The following LRRC4C variants were observed in gnomAD, a reference collection of about 807,000 sequenced individuals.
The protein encoded by LRRC4C is leucine-rich repeat-containing protein 4C.
Under a neutral mutation model 33.6 loss-of-function variants are expected in LRRC4C, and 5 were observed. The observed-to-expected ratio is 0.15, with a 90% CI of 0.08 to 0.31. The LOEUF (loss-of-function observed/expected upper bound fraction) is 0.31, where lower values mean the gene tolerates loss of function less well. LRRC4C is among the 10% of genes least tolerant of loss of function. The probability of loss-of-function intolerance (pLI) is 1.00; values close to 1 mark genes in which losing one functional copy is unlikely to be tolerated. For synonymous variants in LRRC4C, 329 were observed against 302.0 expected (o/e 1.09, Z -0.93); for missense variants, 560 against 796.7 (o/e 0.70, Z 3.58).
chr11:41,100,591 C>CAAT (rs1767475056), intron 1 of LRRC4C, among the ~76,000 whole-genome samples: 1 of 151,462 alleles, frequency 6.6e-6, no homozygotes, highest in Admixed American at 6.6e-5. Context: ...ATAATAATAA[C>CAAT]AATAATAATA....
intron 2 of LRRC4C, among the ~76,000 whole-genome samples, chr11:40,673,043 A>G (rs1944211880): frequency 6.6e-6 from 1 of 152,146 alleles, no homozygotes; most frequent in Admixed American, 6.5e-5. Context: ...AGAAAAAAAA[A>G]AACAGTTAAG....
At chr11:41,415,865 A>T (rs1954659627) in intron 1 of LRRC4C, among the ~76,000 whole-genome samples, 1 of 152,086 alleles carries the variant, frequency 6.6e-6, no homozygotes, top group Non-Finnish European at 1.5e-5. Context: ...GAGAATATAG[A>T]CTGCTTTTGA....
At chr11:40,815,996 A>C (rs1007556820) in intron 2 of LRRC4C, among the ~76,000 whole-genome samples, 1 of 152,226 alleles carries the variant, frequency 6.6e-6, no homozygotes, top group Non-Finnish European at 1.5e-5. Flanking sequence ...AGTAACTGAG[A>C]AAGCAAAGAG....
Position 40,198,855 on chromosome 11 carries a change from A to G in LRRC4C, c.-96+42664T>C, listed in dbSNP as rs556861649. On this transcript the variant is annotated intron_variant, in intron 5 of 6. Coordinates refer to ENST00000528697, the MANE Select transcript of LRRC4C (RefSeq NM_001258419.2). ...CATGGACACTCCCAGAAACTGATAC[A>G]AAAATGTAAACCATGTGGAAGATTA... 7.9e-5 allele frequency among the ~76,000 whole-genome samples: 12 copies of G among 152,366 alleles called. No homozygotes were observed. In the South Asian group the frequency reaches 2.5e-3, roughly 32 times the overall value.
intron 3 of LRRC4C, among the ~76,000 whole-genome samples, chr11:40,647,659 A>C (rs1176010962): frequency 6.6e-6 from 1 of 152,174 alleles, no homozygotes; most frequent in East Asian, 1.9e-4. Flanking sequence ...CAGGTTTTCA[A>C]AGAGAGAATC....
chr11:40,480,056 G>A (rs1953465453), intron 3 of LRRC4C, among the ~76,000 whole-genome samples: 1 of 152,140 alleles, frequency 6.6e-6, no homozygotes, highest in South Asian at 2.1e-4. Context: ...TAAGCTGAAA[G>A]CAGGACAAGC....
rs569171762 is a variant in LRRC4C, at chr11:41,414,386, T to C, written c.-496+45045A>G. 4.6e-5 allele frequency among the ~76,000 whole-genome samples: 7 copies of C among 152,270 alleles called. 1 individual carries two copies. The highest frequency in any genetic ancestry group is 2.1e-4 in the South Asian group (1 of 4,832). ...ACACGTGAAAGAGAGCTCTCTTTTATAGGTGGAGAAAAAAGTCTGGTGTCA... is the reference window on the plus strand; with the variant it reads ...ACACGTGAAAGAGAGCTCTCTTTTACAGGTGGAGAAAAAAGTCTGGTGTCA... On this transcript the variant is annotated intron_variant, in intron 1 of 6. Transcript: ENST00000528697.
intron 3 of LRRC4C, among the ~76,000 whole-genome samples, chr11:40,616,151 A>G (rs920784018): frequency 1.3e-5 from 2 of 152,096 alleles, no homozygotes; most frequent in African/African-American, 4.8e-5. Flanking sequence ...CAAAAGACAC[A>G]TGAAAAAATG....
At chr11:40,309,875 G>C (rs1311102838) in intron 4 of LRRC4C, among the ~76,000 whole-genome samples, 5 of 152,152 alleles carry the variant, frequency 3.3e-5, no homozygotes, top group Admixed American at 3.3e-4. Flanking sequence ...CTAGAGAAAG[G>C]AAAGGATGGT....
At chr11:40,426,167 C>T (rs1202618907) in intron 3 of LRRC4C, among the ~76,000 whole-genome samples, 1 of 152,016 alleles carries the variant, frequency 6.6e-6, no homozygotes, top group Admixed American at 6.6e-5. Flanking sequence ...TTGCATGCCA[C>T]TATGCCCGGC....
At chr11:41,017,446 C>G (rs755010621) in intron 1 of LRRC4C, among the ~76,000 whole-genome samples, 1 of 152,132 alleles carries the variant, frequency 6.6e-6, no homozygotes, top group Non-Finnish European at 1.5e-5. Context: ...ACTTTGTTAT[C>G]TTACATACTA....
intron 3 of LRRC4C, among the ~76,000 whole-genome samples, chr11:40,417,762 TG>T (rs984837849): frequency 1.3e-5 from 2 of 152,176 alleles, no homozygotes; most frequent in Non-Finnish European, 2.9e-5. Flanking sequence ...ACTCTGTGCC[TG>T]GAAGAAGCCT....
At chr11:40,865,997 G>T (rs967794274) in intron 2 of LRRC4C, among the ~76,000 whole-genome samples, 1 of 151,082 alleles carries the variant, frequency 6.6e-6, no homozygotes, top group Non-Finnish European at 1.5e-5. Flanking sequence ...CTATTAAATT[G>T]TCTATATGAG....
intron 2 of LRRC4C, among the ~76,000 whole-genome samples, chr11:40,911,027 G>C (rs907182273): frequency 1.3e-5 from 2 of 152,206 alleles, no homozygotes; most frequent in Admixed American, 1.3e-4. Flanking sequence ...CGAGACTTGA[G>C]TAGGTAAACA....
chr11:41,047,469 A>G (rs183018233), intron 1 of LRRC4C, among the ~76,000 whole-genome samples: 289 of 152,324 alleles, frequency 1.9e-3, no homozygotes, highest in Middle Eastern at 3.4e-3. Flanking sequence ...TTATTCTGGA[A>G]TTAGATAATG....
chr11:40,699,876 T>C (rs1015310742), intron 2 of LRRC4C, among the ~76,000 whole-genome samples: 1 of 152,202 alleles, frequency 6.6e-6, no homozygotes, highest in African/African-American at 2.4e-5. Flanking sequence ...AATTAGAGTC[T>C]TCAATTAAAT....
chr11:40,377,154 G>C (rs1948691994), intron 3 of LRRC4C, among the ~76,000 whole-genome samples: 1 of 152,084 alleles, frequency 6.6e-6, no homozygotes, highest in Non-Finnish European at 1.5e-5. Context: ...TTGGGGCTCG[G>C]GTTGATTATC....
At chr11:40,165,213 T>C (rs1433790921) in intron 5 of LRRC4C, among the ~76,000 whole-genome samples, 1 of 152,226 alleles carries the variant, frequency 6.6e-6, no homozygotes, top group African/African-American at 2.4e-5. Context: ...TTTTTATAAG[T>C]GTGTATACAC....
intron 1 of LRRC4C, among the ~76,000 whole-genome samples, chr11:41,038,795 G>A (rs1055319715): frequency 4.6e-5 from 7 of 152,230 alleles, no homozygotes; most frequent in Admixed American, 2.0e-4. Flanking sequence ...TAATTAAAAT[G>A]TTGATGGAGT....
Sources: gnomAD v4.1 joint callset for allele counts (sites outside exome capture counted in the v4.1 genomes callset) on GRCh38, gnomAD v4.1.1 for gene constraint, MANE v1.5 for transcripts, NCBI Gene and HGNC (gene_info 2026-07-23, HGNC 2026-07-21) for gene names.